ESR2: variants seen among roughly 807,000 people sequenced by gnomAD.
ESR2 encodes the protein estrogen receptor beta.
A neutral mutation model predicts 49.6 loss-of-function variants in ESR2; 36 were observed. The observed-to-expected ratio is 0.73, with a 90% confidence interval of 0.56 to 0.96. The LOEUF (loss-of-function observed/expected upper bound fraction) is 0.96, where lower values mean the gene tolerates loss of function less well. Among genes scored for constraint, ESR2 ranks in the 40% least tolerant of loss-of-function variants. The probability of loss-of-function intolerance (pLI) is 0.00; values close to 1 mark genes in which losing one functional copy is unlikely to be tolerated. For missense variants in ESR2, 714 were observed against 693.0 expected, an observed-to-expected ratio of 1.03 and a Z score of -0.34; for synonymous variants, 320 against 266.1, an observed-to-expected ratio of 1.20 and a Z score of -1.97.
intron 7 of ESR2, among the ~76,000 whole-genome samples, chr14:64,248,642 C>T (rs1005059433): frequency 6.6e-6 from 1 of 151,254 alleles, no homozygotes; most frequent in African/African-American, 2.4e-5. Context: ...TGTTTATTAA[C>T]AATAATCAGA....
chr14:64,296,892 C>T (rs2076963862), upstream of ESR2, among the ~76,000 whole-genome samples: 8 of 152,096 alleles, frequency 5.3e-5, no homozygotes, highest in Admixed American at 5.2e-4. Context: ...ACAATGGTAC[C>T]CAGAGATGGA....
intron 1 of ESR2, among the ~76,000 whole-genome samples, chr14:64,331,471 C>T (rs2077457162): frequency 6.6e-6 from 1 of 152,152 alleles, no homozygotes; most frequent in Admixed American, 6.5e-5. Context: ...ATATCTCAGT[C>T]AACTCAGTCC....
Position 64,230,879 on chromosome 14 carries a change from A to T in ESR2, c.*2258T>A. 7.0e-6 allele frequency: 1 copy of T among 142,912 alleles called. No homozygotes were observed. Among genetic ancestry groups the T allele is most frequent in the Middle Eastern group, 3.5e-3 (1 of 284 alleles). 8.9% of individuals were successfully genotyped at this position (142,912 alleles called of 1,614,324 possible). A position where few individuals can be genotyped will look rare whatever the true frequency, so the allele number is the denominator to read the frequency against. On this transcript the variant is annotated 3_prime_UTR_variant, in exon 9 of 9. Coordinates refer to ENST00000341099, the MANE Select transcript of ESR2 (RefSeq NM_001437.3). The stretch of plus-strand genomic sequence containing the variant: ...AAAAAAAAAAATTATATATATATAT[A>T]TATATATATTTCGTGGCAATTTTTT...
intron 1 of ESR2, among the ~76,000 whole-genome samples, chr14:64,300,831 C>T (rs2077013357): frequency 6.6e-6 from 1 of 152,144 alleles, no homozygotes; most frequent in African/African-American, 2.4e-5. Flanking sequence ...CTGCATCTTG[C>T]CCTCATGCAT....
chr14:64,251,327 AAAAC>A (rs2075985209), intron 6 of ESR2, among the ~76,000 whole-genome samples: 1 of 151,894 alleles, frequency 6.6e-6, no homozygotes, highest in Non-Finnish European at 1.5e-5. Context: ...AAAAAACAAA[AAAAC>A]CCACCAACTC....
At position 64,247,200 on chromosome 14, in the gene ESR2, A is replaced by C. The variant is rs1021218464; in HGVS notation, c.1225+2346T>G. ...AGTAATTTTAAATCAGTTGAATGTG[A>C]TAACTAATAATATTATAAACTAGGA... On this transcript the variant is annotated intron_variant, in intron 7 of 8. Transcript: ENST00000341099. Among the ~76,000 whole-genome samples the C allele has an allele frequency of 9.9e-5, 15 of 152,248 alleles. 1 individual carries two copies. The highest frequency in any genetic ancestry group is 2.4e-4 in the African/African-American group (10 of 41,462).
chr14:64,262,221 C>G (rs1034750840), intron 4 of ESR2, among the ~76,000 whole-genome samples: 1 of 151,658 alleles, frequency 6.6e-6, no homozygotes, highest in African/African-American at 2.4e-5. Flanking sequence ...CTCAAGAGAT[C>G]CTCCCACCTC....
intron 1 of ESR2, among the ~76,000 whole-genome samples, chr14:64,331,294 G>A (rs1252283166): frequency 2.6e-5 from 4 of 152,140 alleles, no homozygotes; most frequent in East Asian, 1.9e-4. Context: ...GATAAAAGGG[G>A]CAATTCAATA....
At chr14:64,259,509 T>C (rs1488092269) in intron 5 of ESR2, among the ~76,000 whole-genome samples, 1 of 152,232 alleles carries the variant, frequency 6.6e-6, no homozygotes, top group African/African-American at 2.4e-5. Flanking sequence ...CCACTCTAGG[T>C]TAGAATCCTA....
At chr14:64,320,677 G>A (rs1184045315) in intron 1 of ESR2, among the ~76,000 whole-genome samples, 1 of 152,144 alleles carries the variant, frequency 6.6e-6, no homozygotes, top group African/African-American at 2.4e-5. Flanking sequence ...CGGATCACCT[G>A]AGGTCAGCAG....
downstream of ESR2, chr14:64,227,686 T>C: frequency 6.2e-7 from 1 of 1,607,718 alleles, no homozygotes; most frequent in East Asian, 2.2e-5. Flanking sequence ...AAGCTTAATA[T>C]TGTGCATGTC....
intron 1 of ESR2, chr14:64,332,421 A>G (rs1163448601): frequency 6.6e-6 from 1 of 152,228 alleles, no homozygotes; most frequent in Non-Finnish European, 1.5e-5. Flanking sequence ...TCTGGATAGA[A>G]AAGCTTTTCA....
intron 2 of ESR2, among the ~76,000 whole-genome samples, chr14:64,281,503 C>T (rs990122277): frequency 3.3e-5 from 5 of 151,596 alleles, no homozygotes; most frequent in African/African-American, 9.7e-5. Context: ...TTTATATTCT[C>T]TTTACCAATG....
chr14:64,309,258 T>G (rs2077153319), intron 1 of ESR2, among the ~76,000 whole-genome samples: 1 of 152,174 alleles, frequency 6.6e-6, no homozygotes, highest in African/African-American at 2.4e-5. Context: ...TAAGCAGATG[T>G]TACATAGGCC....
At chr14:64,243,283 A>G (rs1254381640) in intron 7 of ESR2, among the ~76,000 whole-genome samples, 2 of 152,238 alleles carry the variant, frequency 1.3e-5, no homozygotes, top group African/African-American at 4.8e-5. Context: ...AGTTTGTGGC[A>G]CCCCAAAACA....
chr14:64,303,877 T>C (rs2077057946), intron 1 of ESR2, among the ~76,000 whole-genome samples: 1 of 152,198 alleles, frequency 6.6e-6, no homozygotes, highest in South Asian at 2.1e-4. Context: ...TGAGAAAGAC[T>C]GCCAAGATAC....
At chr14:64,290,776 C>T (rs1222218147) in intron 1 of ESR2, among the ~76,000 whole-genome samples, 1 of 152,134 alleles carries the variant, frequency 6.6e-6, no homozygotes, top group Non-Finnish European at 1.5e-5. Flanking sequence ...TAAAACACTC[C>T]AAAATCACCA....
intron 7 of ESR2, among the ~76,000 whole-genome samples, chr14:64,246,207 T>G (rs2075851553): frequency 6.6e-6 from 1 of 152,142 alleles, no homozygotes; most frequent in Non-Finnish European, 1.5e-5. Flanking sequence ...CCCACCCAAA[T>G]CTCATCTTGA....
intron 7 of ESR2, among the ~76,000 whole-genome samples, chr14:64,238,077 A>G (rs2075643747): frequency 6.6e-6 from 1 of 152,250 alleles, no homozygotes; most frequent in African/African-American, 2.4e-5. Flanking sequence ...AATAGTAATA[A>G]TAATAATAAA....
Sources: gnomAD v4.1 joint callset for allele counts (sites outside exome capture counted in the v4.1 genomes callset) on GRCh38, gnomAD v4.1.1 for gene constraint, MANE v1.5 for transcripts, NCBI Gene and HGNC (gene_info 2026-07-23, HGNC 2026-07-21) for gene names.